NOX5: variants seen among roughly 807,000 people sequenced by gnomAD.
NOX5 encodes the protein NADPH oxidase 5.
NOX5 carries 76 observed loss-of-function variants against 85.7 expected under a neutral mutation model. That is an observed-to-expected ratio of 0.89 (90% CI 0.74 to 1.07). The LOEUF (loss-of-function observed/expected upper bound fraction) is 1.07, where lower values mean the gene tolerates loss of function less well. Among genes scored for constraint, NOX5 ranks in the 50% least tolerant of loss-of-function variants. The pLI is 0.00. For synonymous variants in NOX5, 405 were observed against 401.4 expected (o/e 1.01, Z -0.11); for missense variants, 973 against 999.5 (o/e 0.97, Z 0.36).
At chr15:69,027,867 C>A (rs547014151) in intron 2 of NOX5, among the ~76,000 whole-genome samples, 18 of 152,226 alleles carry the variant, frequency 1.2e-4, no homozygotes, top group Middle Eastern at 6.8e-3. Flanking sequence ...GGAGGACCCT[C>A]TGTCTGACCC....
At chr15:69,016,828 A>C (rs1261162433) in intron 1 of NOX5, among the ~76,000 whole-genome samples, 1 of 152,050 alleles carries the variant, frequency 6.6e-6, no homozygotes, top group African/African-American at 2.4e-5. Flanking sequence ...ACATACACAC[A>C]CTAAAACATA....
rs998039552 is a variant in NOX5 at position 69,016,049 on chromosome 15, T to C, written c.50+1264T>C. Among the ~76,000 whole-genome samples the C allele has an allele frequency of 3.9e-5, 6 of 152,334 alleles. 1 individual carries two copies. Among genetic ancestry groups the C allele is most frequent in the African/African-American group, 1.4e-4 (6 of 41,580 alleles). On this transcript the variant is annotated intron_variant, in intron 1 of 15. Coordinates refer to ENST00000388866, the MANE Select transcript of NOX5 (RefSeq NM_024505.4). ...TGAAGCCACGAGGGATGAGAAGGTCTGATGCGAAGCTCTCTTCCTCTTTTC... is the reference window on the plus strand; with the variant it reads ...TGAAGCCACGAGGGATGAGAAGGTCCGATGCGAAGCTCTCTTCCTCTTTTC...
Position 69,037,157 on chromosome 15 carries a change from G to A in NOX5, c.1318G>A (p.Val440Met). ...FFLEKAIGLA[V>M]SRMAAVCIME... ...CCTGGAGAAGGCCATCGGACTGGCA[G>A]TGTCCCGCATGGCAGCCGTGTGCAT... Residue 440 changes from valine to methionine, a missense_variant, in exon 8 of 16, where the codon GTG becomes ATG. Val to Met is a conservative substitution (Grantham distance 21, BLOSUM62 1). Transcript: ENST00000388866. The A allele has an allele frequency of 1.2e-6, 2 of 1,614,056 alleles. No homozygotes were observed. The highest frequency in any genetic ancestry group is 2.2e-5 in the South Asian group (2 of 91,074).
chr15:69,025,195 T>C (rs1288918311), intron 1 of NOX5, among the ~76,000 whole-genome samples: 6 of 152,196 alleles, frequency 3.9e-5, no homozygotes, highest in Admixed American at 3.3e-4. Flanking sequence ...AAGACACCTT[T>C]AAAATATGTA....
At chr15:69,027,619 C>T (rs1258559848) in intron 2 of NOX5, among the ~76,000 whole-genome samples, 1 of 152,198 alleles carries the variant, frequency 6.6e-6, no homozygotes, top group East Asian at 1.9e-4. Context: ...AATTTCTGTG[C>T]TCCCAGGGTC....
intron 9 of NOX5, among the ~76,000 whole-genome samples, 157 bp downstream of exon 9, chr15:69,039,146 C>T (rs545066875): frequency 6.6e-6 from 1 of 152,310 alleles, no homozygotes; most frequent in African/African-American, 2.4e-5. Flanking sequence ...GGCATGCAGA[C>T]ACCGATTGGC....
At chr15:69,048,731 A>G (rs2140277930) in intron 13 of NOX5, among the ~76,000 whole-genome samples, 1 of 152,272 alleles carries the variant, frequency 6.6e-6, no homozygotes, top group Non-Finnish European at 1.5e-5. Flanking sequence ...AAGATATTAG[A>G]GAAAATCCCC....
chr15:69,027,369 C>T (rs192498821), intron 2 of NOX5, among the ~76,000 whole-genome samples: 3 of 152,230 alleles, frequency 2.0e-5, no homozygotes, highest in Non-Finnish European at 4.4e-5. Flanking sequence ...AAAGAGCATT[C>T]GGGATGGTAG....
At chr15:69,042,345 C>T (rs919278220) in intron 9 of NOX5, among the ~76,000 whole-genome samples, 3 of 152,224 alleles carry the variant, frequency 2.0e-5, no homozygotes, top group African/African-American at 7.2e-5. Context: ...TTGGTGAGTC[C>T]TTGGCCTGAT....
chr15:69,045,002 A>G (rs1401376245), intron 10 of NOX5, among the ~76,000 whole-genome samples: 1 of 152,236 alleles, frequency 6.6e-6, no homozygotes, highest in Non-Finnish European at 1.5e-5. Context: ...ACACGAAGAC[A>G]AAGGAGGAGA....
intron 1 of NOX5, 147 bp downstream of exon 1, chr15:69,014,932 AGCTG>A: frequency 1.5e-6 from 1 of 661,316 alleles, no homozygotes; most frequent in Non-Finnish European, 2.7e-6. Context: ...GCTACTAGCA[AGCTG>A]GGCAATCTTG....
At chr15:69,035,679 A>G in intron 6 of NOX5, 79 bp from the exon 7 acceptor site, 1 of 1,576,866 alleles carries the variant, frequency 6.3e-7, no homozygotes, top group Non-Finnish European at 8.6e-7. Context: ...CTGATGGTGC[A>G]GGGTGGGGAT....
chr15:69,054,844 A>T (rs1308751951), intron 14 of NOX5, among the ~76,000 whole-genome samples: 1 of 152,192 alleles, frequency 6.6e-6, no homozygotes, highest in African/African-American at 2.4e-5. Flanking sequence ...CTGAGGACAG[A>T]CATGTGAGGC....
intron 10 of NOX5, among the ~76,000 whole-genome samples, chr15:69,044,514 C>T (rs1202012964): frequency 2.0e-5 from 3 of 151,944 alleles, no homozygotes; most frequent in Non-Finnish European, 2.9e-5. Flanking sequence ...ATCAAAATGC[C>T]GAACAATAGG....
At chr15:69,034,041 T>A (rs1319133032) in intron 5 of NOX5, among the ~76,000 whole-genome samples, 1 of 152,060 alleles carries the variant, frequency 6.6e-6, no homozygotes, top group Non-Finnish European at 1.5e-5. Context: ...ACAAAAGCCC[T>A]CTTATGCTTA....
Position 69,057,695 on chromosome 15 carries a change from G to T in NOX5, c.*999G>T, listed in dbSNP as rs1411614354. On this transcript the variant is annotated 3_prime_UTR_variant, in exon 16 of 16. Coordinates refer to ENST00000388866, the MANE Select transcript of NOX5 (RefSeq NM_024505.4). ...TGTGTGGCCCTGGAAGCTTCCCCAT[G>T]TCTGTTATTTTCATCTGTGAAATAA... The T allele has an allele frequency of 6.6e-6, 1 of 152,242 alleles. No homozygotes were observed. The highest frequency in any genetic ancestry group is 2.4e-5 in the African/African-American group (1 of 41,454). 9.4% of individuals were successfully genotyped at this position (152,242 alleles called of 1,614,324 possible).
intron 1 of NOX5, among the ~76,000 whole-genome samples, chr15:69,016,718 G>A (rs1034235358): frequency 2.6e-5 from 4 of 152,158 alleles, no homozygotes; most frequent in Admixed American, 6.5e-5. Flanking sequence ...TATCACTAAC[G>A]CTTTTAATAA....
Position 69,031,527 on chromosome 15 carries a change from G to C in NOX5, c.335G>C (p.Arg112Pro). The C allele has an allele frequency of 6.2e-7, 1 of 1,607,642 alleles. No individual in the cohort carries two copies. Among genetic ancestry groups the C allele is most frequent in the African/African-American group, 1.3e-5 (1 of 75,002 alleles). ...FQVYDIDVCA[R>P]QGASAGTEWG... The stretch of plus-strand genomic sequence containing the variant: ...CCACCACTTCTTGCAGTGTGTGCAC[G>C]GCAGGGGGCGTCTGCAGGTACAGAG... Residue 112 changes from arginine (R) to proline (P), a missense_variant, in exon 4 of 16, where the codon CGG becomes CCG. By Grantham distance (103) the Arg-to-Pro change is moderately radical. Transcript: ENST00000388866.
chr15:69,032,748 A>T (rs1014485133), intron 4 of NOX5, among the ~76,000 whole-genome samples: 1 of 152,198 alleles, frequency 6.6e-6, no homozygotes, highest in African/African-American at 2.4e-5. Context: ...CTTACTTACC[A>T]AAACATATTT....
Sources: gnomAD v4.1 joint callset for allele counts (sites outside exome capture counted in the v4.1 genomes callset) on GRCh38, gnomAD v4.1.1 for gene constraint, MANE v1.5 for transcripts, NCBI Gene and HGNC (gene_info 2026-07-23, HGNC 2026-07-21) for gene names.